The following PPP1CB variants were observed in gnomAD, a reference collection of about 807,000 sequenced individuals.
PPP1CB encodes protein phosphatase 1 catalytic subunit beta.
In PPP1CB, 2 loss-of-function variants were observed where a neutral mutation model predicts 43.7. The ratio of observed to expected loss-of-function variants is 0.05; its 90% CI spans 0.02 to 0.14. The LOEUF (loss-of-function observed/expected upper bound fraction) is 0.14, where lower values mean the gene tolerates loss of function less well. Among genes scored for constraint, PPP1CB ranks in the 10% least tolerant of loss-of-function variants. The pLI is 1.00. For missense variants in PPP1CB, 84 were observed against 398.0 expected (o/e 0.21, Z 6.71); for synonymous variants, 136 against 135.6 (o/e 1.00, Z -0.02).
intron 1 of PPP1CB, among the ~76,000 whole-genome samples, chr2:28,770,008 C>T (rs982850604): frequency 5.3e-5 from 8 of 152,086 alleles, no homozygotes; most frequent in Non-Finnish European, 1.2e-4. Flanking sequence ...GTGGCTCACA[C>T]CTGTAATCCC....
intron 5 of PPP1CB, 58 bp from the exon 6 acceptor site, chr2:28,788,600 C>T (rs1203861136): frequency 6.5e-7 from 1 of 1,535,790 alleles, no homozygotes; most frequent in Non-Finnish European, 8.9e-7. Context: ...TGTAGATGTG[C>T]TATATTCTAT....
chr2:28,751,705 A>AG (rs1666270002), upstream of PPP1CB: 2 of 228,442 alleles, frequency 8.8e-6, no homozygotes, highest in Non-Finnish European at 1.7e-5. Context: ...CCAGGCGTCG[A>AG]GGGGAGCCTC....
intron 3 of PPP1CB, 46 bp from the exon 4 acceptor site, chr2:28,781,692 G>A: frequency 7.6e-7 from 1 of 1,308,168 alleles, no homozygotes; most frequent in Non-Finnish European, 1.1e-6. Context: ...TAACTGATGA[G>A]AACAGTTTTA....
rs532191366 is a variant in PPP1CB at position 28,775,879 on chromosome 2, C to T, written c.53-972C>T. On this transcript the variant is annotated intron_variant, in intron 1 of 7. Coordinates refer to ENST00000395366, the MANE Select transcript of PPP1CB (RefSeq NM_002709.3). ...CACAAGTTACTGGAAACCATATTAT[C>T]TTATGGCTCAGTAATGCAAAGATGC... is the stretch of plus-strand genomic sequence containing the variant. Among the ~76,000 whole-genome samples the T allele has an allele frequency of 3.9e-4, 59 of 152,242 alleles. 2 individuals carry two copies. Among genetic ancestry groups the T allele is most frequent in the Admixed American group, 3.4e-3 (52 of 15,282 alleles).
At chr2:28,793,264 A>G (rs926002923) in intron 6 of PPP1CB, among the ~76,000 whole-genome samples, 4 of 152,290 alleles carry the variant, frequency 2.6e-5, no homozygotes, top group Admixed American at 2.0e-4. Flanking sequence ...AAGGAGCATG[A>G]TCCATGTAAA....
At chr2:28,796,891 A>G (rs1479942940) in intron 7 of PPP1CB, among the ~76,000 whole-genome samples, 3 of 152,116 alleles carry the variant, frequency 2.0e-5, no homozygotes, top group Non-Finnish European at 4.4e-5. Context: ...TTCCCTTTTC[A>G]GTACGATGTT....
intron 4 of PPP1CB, among the ~76,000 whole-genome samples, 155 bp from the exon 5 acceptor site, chr2:28,783,752 G>A (rs973483860): frequency 1.4e-5 from 2 of 144,978 alleles, no homozygotes; most frequent in African/African-American, 5.3e-5. Flanking sequence ...GTAAGATTCT[G>A]TCTCGAAAAA....
intron 1 of PPP1CB, among the ~76,000 whole-genome samples, chr2:28,763,328 A>G (rs113704799): frequency 2.6e-5 from 4 of 152,290 alleles, no homozygotes; most frequent in African/African-American, 7.2e-5. Flanking sequence ...TGTGTGTTGC[A>G]ATGAACAACA....
At chr2:28,793,824 A>C in intron 6 of PPP1CB, 39 bp from the exon 7 acceptor site, 1 of 1,611,262 alleles carries the variant, frequency 6.2e-7, no homozygotes. Context: ...AGAATTACCC[A>C]CCAATAAATG....
chr2:28,760,207 T>C (rs1036050224), intron 1 of PPP1CB, among the ~76,000 whole-genome samples: 3 of 152,196 alleles, frequency 2.0e-5, no homozygotes, highest in Admixed American at 2.0e-4. Context: ...GATAAGGATA[T>C]AAAGAAAATA....
intron 5 of PPP1CB, among the ~76,000 whole-genome samples, chr2:28,785,711 A>AG (rs1339704269): frequency 1.3e-5 from 2 of 152,068 alleles, no homozygotes; most frequent in Non-Finnish European, 2.9e-5. Flanking sequence ...CAGGAGGCTG[A>AG]GGCAGGAGGA....
At position 28,799,746 on chromosome 2, in the gene PPP1CB, C is replaced by G. The variant is rs1667570199; in HGVS notation, c.*443C>G. On this transcript the variant is annotated 3_prime_UTR_variant, in exon 8 of 8. Transcript: ENST00000395366. ...TGGCAAATACTTCTAATTTTTTTCC[C>G]TAAACATTTTTAAAAGTGAAATATG... 6.5e-6 allele frequency: 1 copy of G among 153,150 alleles called. No homozygotes were observed. Among genetic ancestry groups the G allele is most frequent in the Non-Finnish European group, 1.5e-5 (1 of 68,518 alleles). The allele number at this position is 153,150 out of a possible 1,614,324, so 9.5% of individuals were successfully genotyped here.
At chr2:28,793,784 C>A in intron 6 of PPP1CB, 79 bp from the exon 7 acceptor site, 1 of 1,510,004 alleles carries the variant, frequency 6.6e-7, no homozygotes, top group Non-Finnish European at 9.0e-7. Context: ...CAGTCTTTGC[C>A]ACCTTAACCT....
chr2:28,774,324 T>C (rs999017641), intron 1 of PPP1CB, among the ~76,000 whole-genome samples: 23 of 152,222 alleles, frequency 1.5e-4, no homozygotes, highest in Admixed American at 1.4e-3. Flanking sequence ...TAATACACAG[T>C]AGACTCTCAA....
Position 28,751,928 on chromosome 2 carries a change from G to T in PPP1CB, c.-197G>T. On this transcript the variant is annotated 5_prime_UTR_variant, in exon 1 of 8. Coordinates refer to ENST00000395366, the MANE Select transcript of PPP1CB (RefSeq NM_002709.3). The stretch of plus-strand genomic sequence containing the variant: ...CTTGTTTATTTATTTATTTTCCGTG[G>T]GTGCCTCCGAGTGTGCGCGCGCTCT... The T allele has an allele frequency of 1.6e-6, 1 of 638,338 alleles. No homozygotes were observed. Among genetic ancestry groups the T allele is most frequent in the South Asian group, 1.7e-5 (1 of 58,504 alleles). 39.5% of individuals were successfully genotyped at this position (638,338 alleles called of 1,614,324 possible). A position where few individuals can be genotyped will look rare whatever the true frequency, so the allele number is the denominator to read the frequency against.
chr2:28,801,330 T>G lies in PPP1CB; in HGVS notation c.*2027T>G, dbSNP rs2148065688. ...AGCCTTTGGCAGGGAAAAAGGGCAA[T>G]GTTGATTAATCTCAGTATTAAACCA... On this transcript the variant is annotated 3_prime_UTR_variant, in exon 8 of 8. Transcript: ENST00000395366. 6.6e-6 allele frequency: 1 copy of G among 152,206 alleles called. No homozygotes were observed. The highest frequency in any genetic ancestry group is 2.1e-4 in the South Asian group (1 of 4,830). The allele number at this position is 152,206 out of a possible 1,614,324, so 9.4% of individuals were successfully genotyped here. A position where few individuals can be genotyped will look rare whatever the true frequency, so the allele number is the denominator to read the frequency against.
At chr2:28,796,329 A>G (rs1029634033) in intron 7 of PPP1CB, among the ~76,000 whole-genome samples, 2 of 152,308 alleles carry the variant, frequency 1.3e-5, no homozygotes, top group East Asian at 1.9e-4. Context: ...GCTGTGAAAA[A>G]TGACATTGGT....
intron 1 of PPP1CB, among the ~76,000 whole-genome samples, chr2:28,757,599 T>C (rs945006816): frequency 5.3e-5 from 8 of 152,188 alleles, no homozygotes; most frequent in African/African-American, 1.9e-4. Context: ...GCAGCTAGAC[T>C]TGTTAGAAAA....
At chr2:28,765,405 G>A (rs2148040351) in intron 1 of PPP1CB, among the ~76,000 whole-genome samples, 2 of 152,296 alleles carry the variant, frequency 1.3e-5, no homozygotes, top group South Asian at 2.1e-4. Flanking sequence ...TTGCCTTTCA[G>A]CATGTCATTA....
Sources: gnomAD v4.1 joint callset for allele counts (sites outside exome capture counted in the v4.1 genomes callset) on GRCh38, gnomAD v4.1.1 for gene constraint, MANE v1.5 for transcripts, NCBI Gene and HGNC (gene_info 2026-07-23, HGNC 2026-07-21) for gene names.